Variants in SLC25A33 observed in about 807,000 individuals in gnomAD.
The protein encoded by SLC25A33 is bone marrow stromal cell mitochondrial carrier protein.
In SLC25A33, 15 loss-of-function variants were observed where a neutral mutation model predicts 35.5. The observed-to-expected ratio is 0.42, with a 90% CI of 0.28 to 0.65. The LOEUF (loss-of-function observed/expected upper bound fraction) is 0.65. Ranked by LOEUF, SLC25A33 falls within the 30% of genes least tolerant of loss-of-function variation. The pLI is 0.20. For missense variants in SLC25A33, 257 were observed against 398.5 expected, an observed-to-expected ratio of 0.64 and a Z score of 3.02; for synonymous variants, 136 against 148.7, an observed-to-expected ratio of 0.91 and a Z score of 0.62.
At chr1:9,562,532 GTC>G (rs2100392596) in intron 2 of SLC25A33, among the ~76,000 whole-genome samples, 1 of 152,048 alleles carries the variant, frequency 6.6e-6, no homozygotes, top group South Asian at 2.1e-4. Context: ...TAAGACTACT[GTC>G]TCTGCATAAT....
rs531506810 is a variant in SLC25A33 at position 9,565,443 on chromosome 1, G to A, written c.237-1841G>A. ...AGGCAGGAGAATGGCATGAACCTGG[G>A]AGGCGGAGCTTGCAGTGAGCTGAGA... On this transcript the variant is annotated intron_variant, in intron 2 of 6. Transcript: ENST00000302692. Among the ~76,000 whole-genome samples, 112 of 151,778 alleles carry A rather than the reference G, an allele frequency of 7.4e-4. 3 individuals are homozygous for A. In the South Asian group the frequency reaches 0.022, roughly 30 times the overall value.
In SLC25A33 at chr1:9,578,492, C is replaced by T. The variant is rs532939240; in HGVS notation, c.483-1462C>T. On this transcript the variant is annotated intron_variant, in intron 5 of 6. Coordinates refer to ENST00000302692, the MANE Select transcript of SLC25A33 (RefSeq NM_032315.3). The surrounding 1 kb of genome is among the most constrained non-coding windows in gnomAD (Gnocchi z 4.3). ...TGTCCTGGGGTAGGAGCCTCTAAAC[C>T]TCATGGTTTTCATTTGCTGTTTTAT... Among the ~76,000 whole-genome samples the T allele has an allele frequency of 2.2e-4, 34 of 152,250 alleles. 1 individual carries two copies. In the South Asian group the frequency reaches 2.9e-3, roughly 13 times the overall value.
chr1:9,568,208 G>A (rs532244865), intron 3 of SLC25A33, among the ~76,000 whole-genome samples: 11 of 152,278 alleles, frequency 7.2e-5, no homozygotes, highest in East Asian at 3.9e-4. Context: ...TTGGGAGGCT[G>A]AGGCAGGTGG....
intron 1 of SLC25A33, among the ~76,000 whole-genome samples, chr1:9,548,320 G>A (rs1569844082): frequency 6.6e-6 from 1 of 152,182 alleles, no homozygotes; most frequent in African/African-American, 2.4e-5. Flanking sequence ...GGTGGCTCAC[G>A]CCTATAATCC....
chr1:9,546,128 T>C lies in SLC25A33; in HGVS notation c.56+6381T>C, dbSNP rs560522737. Reference sequence around the variant, plus strand: ...TGTTCCTAGCTTTCCTCCACTGGATTCAAATCCTTCAGATGTTTGCTGTGA... The same window carrying C: ...TGTTCCTAGCTTTCCTCCACTGGATCCAAATCCTTCAGATGTTTGCTGTGA... On this transcript the variant is annotated intron_variant, in intron 1 of 6. Coordinates refer to ENST00000302692, the MANE Select transcript of SLC25A33 (RefSeq NM_032315.3). Among the ~76,000 whole-genome samples, 5 of 151,856 alleles carry C rather than the reference T, an allele frequency of 3.3e-5. No homozygotes were observed. The South Asian group carries it at 1.0e-3, about 31-fold the overall frequency.
chr1:9,574,802 A>G (rs1168629144), intron 5 of SLC25A33, among the ~76,000 whole-genome samples: 2 of 152,196 alleles, frequency 1.3e-5, no homozygotes, highest in East Asian at 1.9e-4. Context: ...ATACCCCACT[A>G]TGCTTAGCCC....
intron 1 of SLC25A33, among the ~76,000 whole-genome samples, chr1:9,542,477 C>T (rs1328164901): frequency 6.6e-6 from 1 of 152,152 alleles, no homozygotes; most frequent in Non-Finnish European, 1.5e-5. Flanking sequence ...TCCACTCTCA[C>T]TAGCCTAAAA....
intron 2 of SLC25A33, among the ~76,000 whole-genome samples, chr1:9,562,953 C>T (rs1166161048): frequency 7.0e-6 from 1 of 143,128 alleles, no homozygotes. Context: ...GAATCTCGCT[C>T]TGTCACCCAG....
chr1:9,564,300 G>A lies in SLC25A33; in HGVS notation c.237-2984G>A, dbSNP rs139312823. 2.1e-3 allele frequency among the ~76,000 whole-genome samples: 327 copies of A among 152,190 alleles called. 4 individuals are homozygous for A. The highest frequency in any genetic ancestry group is 0.019 in the South Asian group (92 of 4,814). ...ACATTGGCGAGGTTATAGAGAAATC[G>A]GAACCCCTTTTACATTGCAGGCGGG... On this transcript the variant is annotated intron_variant, in intron 2 of 6. Transcript: ENST00000302692.
At position 9,584,541 on chromosome 1, in the gene SLC25A33, A is replaced by G. The variant is rs956787931; in HGVS notation, c.*2040A>G. 1 of 152,276 alleles carries G rather than the reference A, an allele frequency of 6.6e-6. No individual in the cohort carries two copies. Among genetic ancestry groups the G allele is most frequent in the Non-Finnish European group, 1.5e-5 (1 of 68,092 alleles). 9.4% of individuals were successfully genotyped at this position (152,276 alleles called of 1,614,324 possible). Reference sequence around the variant, plus strand: ...TAGCCTCCTGAGTAGCTGGGACTACAGGCATGCGCCACCACACCTGGCTAA... The same window carrying G: ...TAGCCTCCTGAGTAGCTGGGACTACGGGCATGCGCCACCACACCTGGCTAA... On this transcript the variant is annotated 3_prime_UTR_variant, in exon 7 of 7. Coordinates refer to ENST00000302692, the MANE Select transcript of SLC25A33 (RefSeq NM_032315.3).
chr1:9,552,186 G>A (rs1156286016), intron 1 of SLC25A33, among the ~76,000 whole-genome samples: 3 of 152,022 alleles, frequency 2.0e-5, no homozygotes, highest in Non-Finnish European at 4.4e-5. Flanking sequence ...GTGAATGAGG[G>A]AAACACAAGG....
intron 5 of SLC25A33, among the ~76,000 whole-genome samples, chr1:9,575,125 A>G (rs1643642773): frequency 6.7e-6 from 1 of 148,618 alleles, no homozygotes. Context: ...AGGCAGGAGA[A>G]TGGCGTTAAC....
At chr1:9,549,326 C>T (rs1433191875) in intron 1 of SLC25A33, among the ~76,000 whole-genome samples, 1 of 130,474 alleles carries the variant, frequency 7.7e-6, no homozygotes, top group African/African-American at 2.9e-5. Context: ...CTGGTGGGAT[C>T]AATGGGGGGG....
chr1:9,581,550 G>A (rs1346912324), intron 6 of SLC25A33, among the ~76,000 whole-genome samples: 2 of 151,954 alleles, frequency 1.3e-5, no homozygotes, highest in Admixed American at 6.6e-5. Flanking sequence ...CCAACATGGC[G>A]AAACCCCGTC....
intron 5 of SLC25A33, among the ~76,000 whole-genome samples, chr1:9,579,654 T>G (rs1017513334): frequency 2.0e-5 from 3 of 152,126 alleles, no homozygotes; most frequent in Admixed American, 2.0e-4. Flanking sequence ...GGAAGCTTCA[T>G]GTCAGCAGCA....
intron 1 of SLC25A33, among the ~76,000 whole-genome samples, chr1:9,545,554 C>T (rs1165432258): frequency 2.0e-5 from 3 of 151,994 alleles, no homozygotes; most frequent in South Asian, 2.1e-4. Flanking sequence ...CCTGCCACCA[C>T]GCCTGGCTAA....
chr1:9,549,382 A>C (rs1217326484), intron 1 of SLC25A33, among the ~76,000 whole-genome samples: 2 of 119,648 alleles, frequency 1.7e-5, no homozygotes, highest in African/African-American at 6.4e-5. Flanking sequence ...TGATGGTGGG[A>C]TCAATGGGGG....
Position 9,583,599 on chromosome 1 carries a change from C to G in SLC25A33, c.*1098C>G, listed in dbSNP as rs2100419225. 1 of 152,248 alleles carries G rather than the reference C, an allele frequency of 6.6e-6. No homozygotes were observed. The highest frequency in any genetic ancestry group is 6.5e-5 in the Admixed American group (1 of 15,282). 9.4% of individuals were successfully genotyped at this position (152,248 alleles called of 1,614,324 possible). A position where few individuals can be genotyped will look rare whatever the true frequency, so the allele number is the denominator to read the frequency against. Reference sequence around the variant, plus strand: ...GTCATTCCCACTGAGGTCTTTAGCCCTGTTCTTGGACCTCTGCTCTTGCAG... The same window carrying G: ...GTCATTCCCACTGAGGTCTTTAGCCGTGTTCTTGGACCTCTGCTCTTGCAG... On this transcript the variant is annotated 3_prime_UTR_variant, in exon 7 of 7. Transcript: ENST00000302692.
chr1:9,562,124 G>T (rs1450938591), intron 2 of SLC25A33, among the ~76,000 whole-genome samples: 1 of 151,770 alleles, frequency 6.6e-6, no homozygotes, highest in Non-Finnish European at 1.5e-5. Flanking sequence ...GAGGTGGGCG[G>T]ATCACCTGAA....
Sources: gnomAD v4.1 joint callset for allele counts (sites outside exome capture counted in the v4.1 genomes callset) on GRCh38, gnomAD v4.1.1 for gene constraint, Gnocchi (gnomAD v3.1) non-coding constraint, MANE v1.5 for transcripts, NCBI Gene and HGNC (gene_info 2026-07-23, HGNC 2026-07-21) for gene names.